Variants in MEF2A observed in about 807,000 individuals in gnomAD.
MEF2A encodes myocyte-specific enhancer factor 2A.
In MEF2A, 28 loss-of-function variants were observed where a neutral mutation model predicts 55.8. The observed-to-expected ratio is 0.50, with a 90% CI of 0.37 to 0.69. The LOEUF (loss-of-function observed/expected upper bound fraction) is 0.69, where lower values mean the gene tolerates loss of function less well. Among genes scored for constraint, MEF2A ranks in the 30% least tolerant of loss-of-function variants. The pLI is 0.00. For missense variants in MEF2A, 528 were observed against 626.2 expected (o/e 0.84, Z 1.67); for synonymous variants, 239 against 227.1 (o/e 1.05, Z -0.47).
At chr15:99,626,832 A>G (rs952961606) in intron 2 of MEF2A, among the ~76,000 whole-genome samples, 1 of 152,190 alleles carries the variant, frequency 6.6e-6, no homozygotes, top group African/African-American at 2.4e-5. Flanking sequence ...GATCAAGACA[A>G]GCAAAGTCAT....
chr15:99,631,445 T>C (rs2042925688), intron 2 of MEF2A, among the ~76,000 whole-genome samples: 1 of 152,316 alleles, frequency 6.6e-6, no homozygotes, highest in South Asian at 2.1e-4. Flanking sequence ...TTGTACATGT[T>C]GTTCTCCCTG....
In MEF2A at chr15:99,601,689, A is replaced by G. The variant is rs74033748; in HGVS notation, c.-143+3178A>G. On this transcript the variant is annotated intron_variant, in intron 2 of 11. Coordinates refer to ENST00000557942, the MANE Select transcript of MEF2A (RefSeq NM_001319206.4). ...TTCATGTATTCTTAGGATAATTATC[A>G]CTTGGTCATGATGTGTTATACTTTT... Among the ~76,000 whole-genome samples, 409 of 152,084 alleles carry G rather than the reference A, an allele frequency of 2.7e-3. 1 individual carries two copies. Among genetic ancestry groups the G allele is most frequent in the African/African-American group, 9.2e-3 (383 of 41,492 alleles).
At position 99,636,619 on chromosome 15, in the gene MEF2A, A is replaced by G. The variant is rs539499805; in HGVS notation, c.54+3446A>G. ...TTCCCAAAGCACTAGGATTACAGGC[A>G]TGAGCCACCACACCAGGCCTACACT... On this transcript the variant is annotated intron_variant, in intron 3 of 11. Coordinates refer to ENST00000557942, the MANE Select transcript of MEF2A (RefSeq NM_001319206.4). Among the ~76,000 whole-genome samples, 4 of 152,318 alleles carry G rather than the reference A, an allele frequency of 2.6e-5. No individual in the cohort carries two copies. In the East Asian group the frequency reaches 7.7e-4, roughly 29 times the overall value.
intron 2 of MEF2A, among the ~76,000 whole-genome samples, chr15:99,616,382 C>G (rs2040195983): frequency 6.6e-6 from 1 of 152,044 alleles, no homozygotes; most frequent in African/African-American, 2.4e-5. Flanking sequence ...GCATCTTGAT[C>G]TTGCTGTAAT....
chr15:99,609,820 A>G (rs1976496137), intron 2 of MEF2A, among the ~76,000 whole-genome samples: 1 of 152,168 alleles, frequency 6.6e-6, no homozygotes, highest in African/African-American at 2.4e-5. Flanking sequence ...CAAAGAGAGT[A>G]TACAGTATGA....
chr15:99,667,283 ACG>A (rs1369848907), intron 4 of MEF2A, among the ~76,000 whole-genome samples: 1 of 152,070 alleles, frequency 6.6e-6, no homozygotes, highest in Non-Finnish European at 1.5e-5. Flanking sequence ...GTGCAGTGGC[ACG>A]ATCTCGCTCA....
At chr15:99,624,988 G>A (rs2041834227) in intron 2 of MEF2A, among the ~76,000 whole-genome samples, 1 of 152,136 alleles carries the variant, frequency 6.6e-6, no homozygotes, top group Admixed American at 6.5e-5. Flanking sequence ...ATTACATGAG[G>A]TAGTCAACAC....
intron 1 of MEF2A, among the ~76,000 whole-genome samples, chr15:99,574,876 A>G (rs545540620): frequency 2.8e-4 from 43 of 152,328 alleles, no homozygotes; most frequent in African/African-American, 9.9e-4. Flanking sequence ...CATCACAGGT[A>G]TGATTAAATT....
intron 1 of MEF2A, among the ~76,000 whole-genome samples, chr15:99,586,599 G>T (rs1967366124): frequency 6.6e-6 from 1 of 151,790 alleles, no homozygotes; most frequent in Admixed American, 6.6e-5. Context: ...TCTCCATTAT[G>T]TTGTGAATAT....
At chr15:99,639,561 A>T (rs1287632481) in intron 3 of MEF2A, among the ~76,000 whole-genome samples, 1 of 152,216 alleles carries the variant, frequency 6.6e-6, no homozygotes, top group African/African-American at 2.4e-5. Flanking sequence ...GTCTCATTAT[A>T]CATGGGTAAA....
At position 99,677,854 on chromosome 15, in the gene MEF2A, G is replaced by A. The variant is rs201947857; in HGVS notation, c.670+2396G>A. On this transcript the variant is annotated intron_variant, in intron 7 of 11. Coordinates refer to ENST00000557942, the MANE Select transcript of MEF2A (RefSeq NM_001319206.4). ...AAAAGGACAGCAAATTAAACATAAA[G>A]TAGGTAGAACCAAATAACAAAGATA... Among the ~76,000 whole-genome samples the A allele has an allele frequency of 7.9e-5, 12 of 152,280 alleles. No homozygotes were observed. The East Asian group carries it at 1.2e-3, about 15-fold the overall frequency.
intron 9 of MEF2A, chr15:99,706,513 C>T (rs325410): frequency 0.74 from 382,370 of 516,498 alleles, 148,340 homozygotes; most frequent in Middle Eastern, 0.87. Flanking sequence ...GTGTCTGACA[C>T]TAATCAACTA....
chr15:99,594,524 A>T (rs1970500768), intron 1 of MEF2A, among the ~76,000 whole-genome samples: 1 of 142,654 alleles, frequency 7.0e-6, no homozygotes. Context: ...TACATCATTG[A>T]CCGTTGGTAA....
At chr15:99,570,436 T>C (rs1961698423) in intron 1 of MEF2A, among the ~76,000 whole-genome samples, 1 of 152,174 alleles carries the variant, frequency 6.6e-6, no homozygotes. Flanking sequence ...CTTTAATATA[T>C]GGACTTAAAA....
Position 99,615,191 on chromosome 15 carries a change from G to C in MEF2A, c.-143+16680G>C, listed in dbSNP as rs79702061. On this transcript the variant is annotated intron_variant, in intron 2 of 11. Coordinates refer to ENST00000557942, the MANE Select transcript of MEF2A (RefSeq NM_001319206.4). The stretch of plus-strand genomic sequence containing the variant: ...ATGTTGGGTTTTGAGATACCTGTAG[G>C]GTATCTTAAGTTGAGTAGTTGAGAA... 5.5e-3 allele frequency among the ~76,000 whole-genome samples: 833 copies of C among 152,232 alleles called. 9 individuals carry two copies. Among genetic ancestry groups the C allele is most frequent in the East Asian group, 0.055 (283 of 5,176 alleles).
At chr15:99,707,353 C>G (rs903460643) in intron 10 of MEF2A, among the ~76,000 whole-genome samples, 9 of 152,168 alleles carry the variant, frequency 5.9e-5, no homozygotes, top group African/African-American at 2.2e-4. Context: ...CCTGTAACCA[C>G]TAGCTTGGTC....
At chr15:99,669,745 A>G (rs1382893797) in intron 4 of MEF2A, among the ~76,000 whole-genome samples, 2 of 152,238 alleles carry the variant, frequency 1.3e-5, no homozygotes, top group East Asian at 3.8e-4. Context: ...GAATCAAAAA[A>G]ATTCTTGAAT....
intron 4 of MEF2A, among the ~76,000 whole-genome samples, chr15:99,669,597 G>C (rs1220174384): frequency 1.3e-5 from 2 of 152,192 alleles, no homozygotes; most frequent in African/African-American, 4.8e-5. Context: ...AGAAATAGAT[G>C]TTGTGTTTGC....
intron 4 of MEF2A, among the ~76,000 whole-genome samples, chr15:99,655,853 T>A (rs1321137815): frequency 1.3e-5 from 2 of 152,102 alleles, no homozygotes; most frequent in African/African-American, 4.8e-5. Context: ...GAAAAGTGGT[T>A]TGTGTGTTAT....
Sources: allele counts gnomAD v4.1 joint callset (sites outside exome capture counted in the v4.1 genomes callset), GRCh38; gene constraint gnomAD v4.1.1; transcripts MANE v1.5; gene names NCBI Gene and HGNC (gene_info 2026-07-23, HGNC 2026-07-21).